The following DIPK1B variants were observed in gnomAD, a reference collection of about 807,000 sequenced individuals.
The protein encoded by DIPK1B is family with sequence similarity 69 member B.
Under a neutral mutation model 20.7 loss-of-function variants are expected in DIPK1B, and 17 were observed. The ratio of observed to expected loss-of-function variants is 0.82; its 90% confidence interval spans 0.56 to 1.23. DIPK1B has a LOEUF of 1.23. DIPK1B is among the 50% of genes most tolerant of loss of function. The probability of loss-of-function intolerance (pLI) is 0.00; values close to 1 mark genes in which losing one functional copy is unlikely to be tolerated. For synonymous variants in DIPK1B, 343 were observed against 276.5 expected, an observed-to-expected ratio of 1.24 and a Z score of -2.39; for missense variants, 648 against 601.8, an observed-to-expected ratio of 1.08 and a Z score of -0.80.
Position 136,723,287 on chromosome 9 carries a change from G to A in DIPK1B, c.809G>A (p.Trp270Ter), listed in dbSNP as rs761378126. ...LQQWLGPAWP[W>*]RAKIAIGLLE... Reference sequence around the variant, plus strand: ...CAGTGGCTGGGGCCTGCGTGGCCTTGGCGGGCCAAGATCGCCATCGGCCTG... The same window carrying A: ...CAGTGGCTGGGGCCTGCGTGGCCTTAGCGGGCCAAGATCGCCATCGGCCTG... The change falls in exon 5 of 5, where the codon TGG (tryptophan) becomes TAG (stop). Residue 270 changes from tryptophan to a stop codon, truncating the protein, a stop_gained. Transcript: ENST00000371692. LOFTEE classifies it low-confidence loss of function (END_TRUNC). The A allele has an allele frequency of 6.2e-7, 1 of 1,612,482 alleles. No individual in the cohort carries two copies. The highest frequency in any genetic ancestry group is 2.2e-5 in the East Asian group (1 of 44,872).
At position 136,722,953 on chromosome 9, in the gene DIPK1B, A is replaced by C; in HGVS notation, c.484-9A>C. On this transcript the variant is annotated splice_polypyrimidine_tract_variant and intron_variant, in intron 4 of 4. Transcript: ENST00000371692. ...CTGGCTTTTCCTTTCTTTTGGTCCC[A>C]AACGCCAGGCGAACCTGGGAGACCT... The C allele has an allele frequency of 6.3e-7, 1 of 1,597,072 alleles. No individual in the cohort carries two copies.
In DIPK1B at chr9:136,722,293, T is replaced by C; in HGVS notation, c.475T>C (p.Phe159Leu). ...GGAATTCCGGGAGATGACCCTCAGC[T>C]TCCTCAAGGTCAGGCAGCTCTCCTA... is the stretch of plus-strand genomic sequence containing the variant. The part of the protein sequence containing the change: ...IKEFREMTLS[F>L]LKANLGDLPS... The change falls in exon 4 of 5, where the codon TTC becomes CTC. Residue 159 changes from phenylalanine (F) to leucine (L), a missense_variant. Phe to Leu is a conservative substitution (Grantham distance 22). Coordinates refer to ENST00000371692, the MANE Select transcript of DIPK1B (RefSeq NM_152421.4). The C allele has an allele frequency of 6.2e-7, 1 of 1,612,192 alleles. No individual in the cohort carries two copies. The highest frequency in any genetic ancestry group is 8.5e-7 in the Non-Finnish European group (1 of 1,179,210).
Position 136,712,646 on chromosome 9 carries a change from A to T in DIPK1B, c.-20A>T. 8.4e-7 allele frequency: 1 copy of T among 1,186,006 alleles called. No individual in the cohort carries two copies. The highest frequency in any genetic ancestry group is 3.5e-4 in the Middle Eastern group (1 of 2,862). 73.5% of individuals were successfully genotyped at this position (1,186,006 alleles called of 1,614,324 possible). A position where few individuals can be genotyped will look rare whatever the true frequency, so the allele number is the denominator to read the frequency against. ...GCCGAGCGAGCCGCGGGGCCCGCGC[A>T]GCCCCGGCCGGAGCCCACCATGCGG... On this transcript the variant is annotated 5_prime_UTR_variant, in exon 1 of 5. Coordinates refer to ENST00000371692, the MANE Select transcript of DIPK1B (RefSeq NM_152421.4). The surrounding 1 kb of genome is among the most constrained non-coding windows in gnomAD (Gnocchi z 5.6).
intron 2 of DIPK1B, 137 bp from the exon 3 acceptor site, chr9:136,721,784 C>A: frequency 1.4e-6 from 1 of 728,334 alleles, no homozygotes; most frequent in Non-Finnish European, 2.3e-6. Flanking sequence ...AGGGCCCCGG[C>A]ACTGCCTGTG....
rs1413119377 is a variant in DIPK1B at position 136,717,571 on chromosome 9, C to G, written c.64-6C>G. On this transcript the variant is annotated splice_polypyrimidine_tract_variant and splice_region_variant and intron_variant, in intron 1 of 4. Coordinates refer to ENST00000371692, the MANE Select transcript of DIPK1B (RefSeq NM_152421.4). ...GCACCTCCTCACGCAGCCCCTTCCC[C>G]CACAGGGCCGGCTCCCAGGCCTCAG... The G allele has an allele frequency of 6.3e-7, 1 of 1,597,808 alleles. No individual in the cohort carries two copies. The highest frequency in any genetic ancestry group is 8.5e-7 in the Non-Finnish European group (1 of 1,179,232).
At chr9:136,718,403 C>T (rs988028187) in intron 2 of DIPK1B, among the ~76,000 whole-genome samples, 8 of 152,178 alleles carry the variant, frequency 5.3e-5, no homozygotes, top group Non-Finnish European at 8.8e-5. Flanking sequence ...AGGGCTAAGT[C>T]CCCTGGCGTA....
intron 1 of DIPK1B, among the ~76,000 whole-genome samples, chr9:136,713,816 C>T (rs1473525774): frequency 2.6e-5 from 4 of 152,234 alleles, no homozygotes; most frequent in Non-Finnish European, 5.9e-5. Context: ...CAGCCTGCCC[C>T]TCTAGTGGCG....
chr9:136,721,591 T>C (rs1263111519), intron 2 of DIPK1B: 3 of 316,360 alleles, frequency 9.5e-6, no homozygotes, highest in Admixed American at 9.0e-5. Flanking sequence ...TCCAGGTTCC[T>C]GCCTCTGGCC....
rs550215790 is a variant in DIPK1B, at chr9:136,717,856, C to T, written c.198+145C>T. On this transcript the variant is annotated intron_variant, in intron 2 of 4. Transcript: ENST00000371692. ...TTCTAGGTGGAATCTGCAAAGCTGC[C>T]TCAGGCTGGGTGTGGAGGACAGGGG... The T allele has an allele frequency of 2.5e-5, 33 of 1,326,696 alleles. No individual in the cohort carries two copies. The East Asian group carries it at 7.6e-4, about 31-fold the overall frequency. The allele number at this position is 1,326,696 out of a possible 1,614,324, so 82.2% of individuals were successfully genotyped here.
Position 136,712,870 on chromosome 9 carries a change from G to T in DIPK1B, c.63+142G>T. ...GAGCCCGGGGTGGGCAGCGGGGAGGGGGCGAGTGGCTCCGGAAGGACGGGA... is the reference window on the plus strand; with the variant it reads ...GAGCCCGGGGTGGGCAGCGGGGAGGTGGCGAGTGGCTCCGGAAGGACGGGA... On this transcript the variant is annotated intron_variant, in intron 1 of 4. Coordinates refer to ENST00000371692, the MANE Select transcript of DIPK1B (RefSeq NM_152421.4). The surrounding 1 kb of genome is among the most constrained non-coding windows in gnomAD (Gnocchi z 5.6). 1 of 409,770 alleles carries T rather than the reference G, an allele frequency of 2.4e-6. No homozygotes were observed. The highest frequency in any genetic ancestry group is 1.0e-4 in the South Asian group (1 of 9,750). 25.4% of individuals were successfully genotyped at this position (409,770 alleles called of 1,614,324 possible).
intron 2 of DIPK1B, among the ~76,000 whole-genome samples, chr9:136,718,694 G>C (rs915998117): frequency 6.6e-6 from 1 of 152,190 alleles, no homozygotes; most frequent in Non-Finnish European, 1.5e-5. Flanking sequence ...GGTTGTCATA[G>C]GGTGATTGGG....
At chr9:136,716,865 G>A (rs73554027) in intron 1 of DIPK1B, among the ~76,000 whole-genome samples, 1,925 of 152,280 alleles carry the variant, frequency 0.013, 33 homozygotes, top group African/African-American at 0.044. Flanking sequence ...CGCGGTGGGC[G>A]CGCTCACCTG....
chr9:136,720,576 G>A (rs1031470347), intron 2 of DIPK1B, among the ~76,000 whole-genome samples: 5 of 152,236 alleles, frequency 3.3e-5, no homozygotes, highest in Admixed American at 1.3e-4. Flanking sequence ...GGCTGAGGAG[G>A]GGCGGCAGCC....
At chr9:136,713,910 C>T (rs1020962777) in intron 1 of DIPK1B, among the ~76,000 whole-genome samples, 2 of 152,240 alleles carry the variant, frequency 1.3e-5, no homozygotes, top group African/African-American at 4.8e-5. Flanking sequence ...GCCTGCTGGG[C>T]TGAGGACCAC....
chr9:136,718,141 C>T (rs12554200), intron 2 of DIPK1B, among the ~76,000 whole-genome samples: 3 of 26,658 alleles, frequency 1.1e-4, no homozygotes, highest in Admixed American at 3.5e-4. Flanking sequence ...TCCAGGATAG[C>T]GACCCCCGTG....
At chr9:136,722,104 G>A in intron 3 of DIPK1B, 21 bp from the exon 4 acceptor site, 2 of 1,613,784 alleles carry the variant, frequency 1.2e-6, no homozygotes, top group South Asian at 2.2e-5. Flanking sequence ...CTGCACGGAG[G>A]ACCTCTGTGG....
intron 1 of DIPK1B, among the ~76,000 whole-genome samples, chr9:136,717,154 G>A (rs568310315): frequency 5.3e-5 from 8 of 152,030 alleles, no homozygotes; most frequent in South Asian, 4.2e-4. Flanking sequence ...ACTTGAACCC[G>A]GGAGGCAGAG....
At position 136,722,109 on chromosome 9, in the gene DIPK1B, C is replaced by A. The variant is rs1192302416; in HGVS notation, c.307-16C>A. 3 of 1,613,684 alleles carry A rather than the reference C, an allele frequency of 1.9e-6. No individual in the cohort carries two copies. Among genetic ancestry groups the A allele is most frequent in the Non-Finnish European group, 2.5e-6 (3 of 1,179,930 alleles). ...AGGGGGATGTCTGCACGGAGGACCT[C>A]TGTGGCCCTGTCCAGGTGTACAGCG... is the stretch of plus-strand genomic sequence containing the variant. On this transcript the variant is annotated splice_polypyrimidine_tract_variant and intron_variant, in intron 3 of 4. Transcript: ENST00000371692.
intron 4 of DIPK1B, 106 bp downstream of exon 4, chr9:136,722,407 C>T (rs768691921): frequency 1.0e-4 from 128 of 1,270,154 alleles, no homozygotes; most frequent in Non-Finnish European, 1.3e-4. Context: ...CAGATGGGCC[C>T]AAGTGGACCC....
Sources: allele counts gnomAD v4.1 joint callset (sites outside exome capture counted in the v4.1 genomes callset), GRCh38; gene constraint gnomAD v4.1.1; non-coding constraint Gnocchi (gnomAD v3.1); transcripts MANE v1.5; gene names NCBI Gene and HGNC (gene_info 2026-07-23, HGNC 2026-07-21).